RIMS2: variants seen among roughly 807,000 people sequenced by gnomAD.
RIMS2 encodes the protein regulating synaptic membrane exocytosis 2, also known as regulating synaptic membrane exocytosis protein 2.
Under a neutral mutation model 174.4 loss-of-function variants are expected in RIMS2, and 59 were observed. That is an observed-to-expected ratio of 0.34 (90% CI 0.27 to 0.42). The LOEUF (loss-of-function observed/expected upper bound fraction) is 0.42. Among genes scored for constraint, RIMS2 ranks in the 10% least tolerant of loss-of-function variants. The probability of loss-of-function intolerance (pLI) is 1.00; values close to 1 mark genes in which losing one functional copy is unlikely to be tolerated. For synonymous variants in RIMS2, 606 were observed against 572.5 expected (o/e 1.06, Z -0.84); for missense variants, 1,620 against 1,666.3 (o/e 0.97, Z 0.48).
At chr8:103,720,500 T>G (rs2097431632) in intron 2 of RIMS2, among the ~76,000 whole-genome samples, 1 of 152,184 alleles carries the variant, frequency 6.6e-6, no homozygotes, top group Non-Finnish European at 1.5e-5. Context: ...TACAGTAAGA[T>G]GTAAATCACC....
chr8:104,094,495 A>T, intron 19 of RIMS2: 1 of 679,440 alleles, frequency 1.5e-6, no homozygotes, highest in South Asian at 1.6e-5. Context: ...GGAATAGAAG[A>T]GGGAGGGAAA....
At chr8:103,591,900 A>G (rs991463863) in intron 1 of RIMS2, among the ~76,000 whole-genome samples, 1 of 151,134 alleles carries the variant, frequency 6.6e-6, no homozygotes, top group African/African-American at 2.4e-5. Flanking sequence ...CTTCCATATA[A>G]AGTTAAGAAA....
chr8:103,835,264 T>C (rs549056459), intron 3 of RIMS2, among the ~76,000 whole-genome samples: 12 of 151,440 alleles, frequency 7.9e-5, no homozygotes, highest in Non-Finnish European at 1.5e-4. Flanking sequence ...ACCAGGCCCA[T>C]CTAATTTTTT....
chr8:103,575,548 C>T (rs1588085894), intron 1 of RIMS2, among the ~76,000 whole-genome samples: 1 of 151,680 alleles, frequency 6.6e-6, no homozygotes, highest in Non-Finnish European at 1.5e-5. Flanking sequence ...TAACAAATTA[C>T]CACAAATACT....
intron 16 of RIMS2, among the ~76,000 whole-genome samples, chr8:103,979,714 A>G (rs1002246932): frequency 2.6e-5 from 4 of 152,196 alleles, no homozygotes; most frequent in Admixed American, 2.0e-4. Flanking sequence ...TTAATCACCA[A>G]TGCCATCCTT....
chr8:103,690,982 A>G (rs745428733), intron 1 of RIMS2, among the ~76,000 whole-genome samples: 7 of 152,210 alleles, frequency 4.6e-5, no homozygotes, highest in Non-Finnish European at 7.3e-5. Flanking sequence ...CTATTCTAGG[A>G]TAAAAGTTGT....
chr8:103,552,119 A>G (rs1394030549), intron 1 of RIMS2, among the ~76,000 whole-genome samples: 2 of 152,158 alleles, frequency 1.3e-5, no homozygotes, highest in Admixed American at 6.5e-5. Flanking sequence ...TTCATATAGA[A>G]CCAAAAAAGA....
Position 103,830,500 on chromosome 8 carries a change from ATT to A in RIMS2, c.699-54796_699-54795del, listed in dbSNP as rs1450819217. 1.6e-3 allele frequency among the ~76,000 whole-genome samples: 247 copies of A among 152,284 alleles called. 2 individuals carry two copies. The highest frequency in any genetic ancestry group is 1.0e-4 in the Non-Finnish European group (7 of 68,026). Reference sequence around the variant, plus strand: ...ACCTGTATAATCTCAATCAGTTTAAATTTATTAGGATTTGTTCTACTGCCCAC... The same window carrying A: ...ACCTGTATAATCTCAATCAGTTTAAATATTAGGATTTGTTCTACTGCCCAC... On this transcript the variant is annotated intron_variant, in intron 3 of 23. Coordinates refer to ENST00000504942, the Ensembl canonical transcript of RIMS2.
intron 19 of RIMS2, among the ~76,000 whole-genome samples, chr8:104,184,402 A>G (rs1563612004): frequency 6.6e-6 from 1 of 151,566 alleles, no homozygotes; most frequent in Admixed American, 6.6e-5. Flanking sequence ...TGTTTCATGT[A>G]ATTTAATTAC....
At chr8:103,916,499 T>A in exon 8 of RIMS2, 1 of 1,611,478 alleles carries the variant, frequency 6.2e-7, no homozygotes, top group South Asian at 1.1e-5. Context: ...AATCCAAACC[T>A]GAACCACAAG....
At chr8:104,106,149 G>T (rs561454206) in intron 19 of RIMS2, among the ~76,000 whole-genome samples, 19 of 150,410 alleles carry the variant, frequency 1.3e-4, no homozygotes, top group African/African-American at 4.4e-4. Context: ...ACCCAGACTT[G>T]TCTTGAACTC....
At chr8:104,163,239 A>AT (rs984861649) in intron 19 of RIMS2, among the ~76,000 whole-genome samples, 1 of 152,092 alleles carries the variant, frequency 6.6e-6, no homozygotes, top group African/African-American at 2.4e-5. Flanking sequence ...AGGATGAAGT[A>AT]TTTTTTTAAC....
intron 2 of RIMS2, among the ~76,000 whole-genome samples, chr8:103,703,152 T>A (rs557805882): frequency 9.2e-5 from 14 of 152,150 alleles, no homozygotes; most frequent in Admixed American, 6.6e-4. Flanking sequence ...GGCTAATTTT[T>A]TGATTTTTTT....
At chr8:104,062,219 C>A (rs1200898545) in intron 19 of RIMS2, among the ~76,000 whole-genome samples, 1 of 152,060 alleles carries the variant, frequency 6.6e-6, no homozygotes, top group Non-Finnish European at 1.5e-5. Flanking sequence ...TCCTGGCCAA[C>A]ATGGTGAACT....
At chr8:103,842,590 T>C (rs183439575) in intron 3 of RIMS2, among the ~76,000 whole-genome samples, 606 of 152,324 alleles carry the variant, frequency 4.0e-3, no homozygotes, top group Non-Finnish European at 6.9e-3. Context: ...TATGTCAAAA[T>C]GTACCAACTT....
intron 19 of RIMS2, among the ~76,000 whole-genome samples, chr8:104,045,261 G>C (rs1452095361): frequency 6.6e-6 from 1 of 151,526 alleles, no homozygotes; most frequent in Non-Finnish European, 1.5e-5. Flanking sequence ...TCCAATTACA[G>C]TCACTACAAC....
At chr8:103,649,649 T>C (rs1383543908) in intron 1 of RIMS2, among the ~76,000 whole-genome samples, 4 of 96,270 alleles carry the variant, frequency 4.2e-5, no homozygotes, top group African/African-American at 1.8e-4. Flanking sequence ...CTTTTCATTC[T>C]TTTTTTTTTT....
At chr8:104,209,646 G>A (rs1300369719) in intron 19 of RIMS2, among the ~76,000 whole-genome samples, 1 of 152,086 alleles carries the variant, frequency 6.6e-6, no homozygotes, top group East Asian at 1.9e-4. Flanking sequence ...AGCTTTAGGG[G>A]GCAAGGATCT....
chr8:103,571,594 C>G (rs2092810885), intron 1 of RIMS2, among the ~76,000 whole-genome samples: 1 of 151,998 alleles, frequency 6.6e-6, no homozygotes, highest in Non-Finnish European at 1.5e-5. Flanking sequence ...TATATATGTA[C>G]CTACTATATG....
Sources: allele counts gnomAD v4.1 joint callset (sites outside exome capture counted in the v4.1 genomes callset), GRCh38; gene constraint gnomAD v4.1.1; transcripts MANE v1.5; gene names NCBI Gene and HGNC (gene_info 2026-07-23, HGNC 2026-07-21).